The following ARMH3 variants were observed in gnomAD, a reference collection of about 807,000 sequenced individuals.
The protein encoded by ARMH3 is armadillo-like helical domain-containing protein 3.
Under a neutral mutation model 99.1 loss-of-function variants are expected in ARMH3, and 60 were observed. The ratio of observed to expected loss-of-function variants is 0.61; its 90% confidence interval spans 0.49 to 0.75. The LOEUF (loss-of-function observed/expected upper bound fraction) is 0.75, where lower values mean the gene tolerates loss of function less well. ARMH3 is among the 30% of genes least tolerant of loss of function. ARMH3 has a pLI of 0.00. For synonymous variants in ARMH3, 285 were observed against 292.8 expected, an observed-to-expected ratio of 0.97 and a Z score of 0.27; for missense variants, 679 against 843.1, an observed-to-expected ratio of 0.81 and a Z score of 2.41.
At chr10:101,868,128 G>C (rs61873589) in intron 24 of ARMH3, among the ~76,000 whole-genome samples, 44,680 of 152,120 alleles carry the variant, frequency 0.29, 8,049 homozygotes, top group South Asian at 0.43. Context: ...AGAGGTTGCA[G>C]ATATGGATCT....
chr10:101,977,539 G>A (rs1304352000), intron 19 of ARMH3, among the ~76,000 whole-genome samples: 1 of 152,160 alleles, frequency 6.6e-6, no homozygotes. Context: ...TATATACATA[G>A]ATGATAAAAA....
intron 22 of ARMH3, among the ~76,000 whole-genome samples, chr10:101,955,208 G>C (rs774953476): frequency 1.3e-5 from 2 of 152,220 alleles, no homozygotes; most frequent in Non-Finnish European, 2.9e-5. Context: ...GATGGGTCTT[G>C]ATGGGACAAC....
intron 13 of ARMH3, among the ~76,000 whole-genome samples, chr10:102,007,833 C>CAAAAAAAAAAA (rs529858697): frequency 2.0e-5 from 1 of 48,978 alleles, no homozygotes; most frequent in African/African-American, 6.8e-5. Flanking sequence ...ACACCATCTC[C>CAAAAAAAAAAA]AAAAAAAAAA....
chr10:101,973,544 G>A (rs1042790808), intron 20 of ARMH3, among the ~76,000 whole-genome samples: 3 of 152,026 alleles, frequency 2.0e-5, no homozygotes, highest in Non-Finnish European at 2.9e-5. Flanking sequence ...GGGGATAGGA[G>A]GAGAATAACA....
At chr10:101,946,264 A>C (rs1195486096) in intron 22 of ARMH3, among the ~76,000 whole-genome samples, 1 of 152,120 alleles carries the variant, frequency 6.6e-6, no homozygotes, top group African/African-American at 2.4e-5. Context: ...ACTATGCTCC[A>C]TGAGGAAAAG....
intron 25 of ARMH3, among the ~76,000 whole-genome samples, chr10:101,848,912 G>GA (rs1239898642): frequency 6.6e-6 from 1 of 152,150 alleles, no homozygotes; most frequent in Non-Finnish European, 1.5e-5. Context: ...ACTCACCCCA[G>GA]AGCATGTCTT....
chr10:101,872,901 C>T (rs542059134), intron 24 of ARMH3, among the ~76,000 whole-genome samples: 1 of 150,418 alleles, frequency 6.6e-6, no homozygotes, highest in South Asian at 2.1e-4. Context: ...AAGATTGCAG[C>T]GAGCCGAGAT....
chr10:101,973,618 T>C (rs1338993011), intron 20 of ARMH3, among the ~76,000 whole-genome samples: 2 of 151,204 alleles, frequency 1.3e-5, no homozygotes, highest in Non-Finnish European at 2.9e-5. Flanking sequence ...GACAAGACAA[T>C]GGAACAGGAT....
chr10:101,978,680 C>A lies in ARMH3; in HGVS notation c.1407-3380G>T, dbSNP rs184937050. Among the ~76,000 whole-genome samples, 1,036 of 152,192 alleles carry A rather than the reference C, an allele frequency of 6.8e-3. 4 individuals are homozygous for A. The highest frequency in any genetic ancestry group is 0.01 in the Non-Finnish European group (713 of 67,998). The stretch of plus-strand genomic sequence containing the variant: ...ATTAGGCCAGGCGCAGTAGCTCATG[C>A]CTTGTAATCCCAGCACTTTGGGAGG... On this transcript the variant is annotated intron_variant, in intron 19 of 25. Transcript: ENST00000370033.
chr10:101,889,359 A>G, intron 24 of ARMH3, 53 bp downstream of exon 24: 1 of 1,508,510 alleles, frequency 6.6e-7, no homozygotes, highest in Non-Finnish European at 9.2e-7. Context: ...GAGAGAAGGC[A>G]ACTGCTTGAT....
At chr10:102,019,394 T>C (rs1233950142) in intron 8 of ARMH3, among the ~76,000 whole-genome samples, 1 of 151,790 alleles carries the variant, frequency 6.6e-6, no homozygotes, top group Non-Finnish European at 1.5e-5. Flanking sequence ...TCCTTCTACT[T>C]ATTTAAAAAA....
rs55633048 is a variant in ARMH3, at chr10:101,944,273, TAGAGAGAGAGAGAGAGAGAG to T, written c.1706-4355_1706-4336del. On this transcript the variant is annotated intron_variant, in intron 22 of 25. Transcript: ENST00000370033. Reference sequence around the variant, plus strand: ...ATATATATATATATATATATATATATAGAGAGAGAGAGAGAGAGAGAGAGAGAGAGAGAGAGAGAGAGAGA... The same window carrying T: ...ATATATATATATATATATATATATATAGAGAGAGAGAGAGAGAGAGAGAGA... 4.2e-3 allele frequency among the ~76,000 whole-genome samples: 106 copies of T among 25,368 alleles called. 1 individual carries two copies. The highest frequency in any genetic ancestry group is 0.011 in the East Asian group (8 of 708). The allele number at this position is 25,368 out of a possible 152,430, so 16.6% of individuals were successfully genotyped here.
chr10:101,874,460 T>C (rs1172175315), intron 24 of ARMH3, among the ~76,000 whole-genome samples: 1 of 152,140 alleles, frequency 6.6e-6, no homozygotes, highest in African/African-American at 2.4e-5. Context: ...GTCCTCCCAT[T>C]GTGCTCTTCC....
At position 101,949,187 on chromosome 10, in the gene ARMH3, C is replaced by CA. The variant is rs551736988; in HGVS notation, c.1705+7409dup. ...CTATGCTTGCACCCTAAAAAACTAGCAAAAAAAGAGCAAATTAAACTCAAA... is the reference window on the plus strand; with the variant it reads ...CTATGCTTGCACCCTAAAAAACTAGCAAAAAAAAGAGCAAATTAAACTCAAA... On this transcript the variant is annotated intron_variant, in intron 22 of 25. Coordinates refer to ENST00000370033, the MANE Select transcript of ARMH3 (RefSeq NM_024541.3). Among the ~76,000 whole-genome samples the CA allele has an allele frequency of 1.2e-3, 177 of 150,816 alleles. 1 individual carries two copies. Among genetic ancestry groups the CA allele is most frequent in the African/African-American group, 4.0e-3 (164 of 41,222 alleles).
Position 101,982,684 on chromosome 10 carries a change from C to G in ARMH3, c.1407-7384G>C, listed in dbSNP as rs935034428. 2.6e-5 allele frequency among the ~76,000 whole-genome samples: 4 copies of G among 152,094 alleles called. No homozygotes were observed. In the East Asian group the frequency reaches 7.7e-4, roughly 29 times the overall value. On this transcript the variant is annotated intron_variant, in intron 19 of 25. Transcript: ENST00000370033. The stretch of plus-strand genomic sequence containing the variant: ...GTCAGATCAGTGGCAGCATTAGATT[C>G]TCATAGGAGCACAAACCCTATTGTG...
At chr10:101,944,316 A>AGG (rs1844414967) in intron 22 of ARMH3, among the ~76,000 whole-genome samples, 1 of 126,574 alleles carries the variant, frequency 7.9e-6, no homozygotes, top group African/African-American at 3.1e-5. Flanking sequence ...AGAGAGAGAG[A>AGG]GAGAGAGAGA....
In ARMH3 at chr10:102,026,008, A is replaced by G. The variant is rs76181212; in HGVS notation, c.415-760T>C. ...CAGGCACACTGAATAAATGAAAAAG[A>G]AACAGTATCATTACAGGCTATCACT... is the stretch of plus-strand genomic sequence containing the variant. On this transcript the variant is annotated intron_variant, in intron 5 of 25. Coordinates refer to ENST00000370033, the MANE Select transcript of ARMH3 (RefSeq NM_024541.3). Among the ~76,000 whole-genome samples the G allele has an allele frequency of 8.9e-3, 1,358 of 152,290 alleles. 23 individuals carry two copies. The highest frequency in any genetic ancestry group is 0.031 in the African/African-American group (1,274 of 41,552).
intron 3 of ARMH3, 51 bp from the exon 4 acceptor site, chr10:102,033,223 G>C (rs1189373418): frequency 6.2e-7 from 1 of 1,613,354 alleles, no homozygotes; most frequent in African/African-American, 1.3e-5. Flanking sequence ...TTAGCGCCTA[G>C]AATATATGAG....
At chr10:101,910,592 TG>T (rs1163545489) in intron 23 of ARMH3, among the ~76,000 whole-genome samples, 2 of 151,652 alleles carry the variant, frequency 1.3e-5, no homozygotes, top group Non-Finnish European at 2.9e-5. Context: ...TAGCCAGCCA[TG>T]GTGGCACACA....
Sources: gnomAD v4.1 joint callset for allele counts (sites outside exome capture counted in the v4.1 genomes callset) on GRCh38, gnomAD v4.1.1 for gene constraint, MANE v1.5 for transcripts, NCBI Gene and HGNC (gene_info 2026-07-23, HGNC 2026-07-21) for gene names.